RGS7: variants seen among roughly 807,000 people sequenced by gnomAD.
RGS7 encodes the protein regulator of G protein signaling 7.
A neutral mutation model predicts 81.1 loss-of-function variants in RGS7; 27 were observed. That is an observed-to-expected ratio of 0.33 (90% CI 0.25 to 0.46). The LOEUF (loss-of-function observed/expected upper bound fraction) is 0.46, where lower values mean the gene tolerates loss of function less well. Among genes scored for constraint, RGS7 ranks in the 20% least tolerant of loss-of-function variants. The probability of loss-of-function intolerance (pLI) is 1.00; values close to 1 mark genes in which losing one functional copy is unlikely to be tolerated. For synonymous variants in RGS7, 208 were observed against 207.7 expected, an observed-to-expected ratio of 1.00 and a Z score of -0.01; for missense variants, 396 against 607.4, an observed-to-expected ratio of 0.65 and a Z score of 3.66.
At chr1:240,880,014 A>T (rs1049880726) in intron 6 of RGS7, among the ~76,000 whole-genome samples, 1 of 152,154 alleles carries the variant, frequency 6.6e-6, no homozygotes, top group Non-Finnish European at 1.5e-5. Flanking sequence ...CAAATCTCAG[A>T]TGCTCCAAAA....
intron 18 of RGS7, among the ~76,000 whole-genome samples, chr1:240,787,278 G>A (rs1685228219): frequency 6.6e-6 from 1 of 152,082 alleles, no homozygotes; most frequent in Non-Finnish European, 1.5e-5. Context: ...CTAATGGTGT[G>A]TTGCTCTTAC....
chr1:240,778,245 C>A (rs1683315483), intron 18 of RGS7, among the ~76,000 whole-genome samples: 1 of 152,146 alleles, frequency 6.6e-6, no homozygotes, highest in Non-Finnish European at 1.5e-5. Flanking sequence ...ATACCATCAC[C>A]CTTGAGATTA....
chr1:241,134,046 G>A (rs1473972810), intron 2 of RGS7, among the ~76,000 whole-genome samples: 1 of 152,162 alleles, frequency 6.6e-6, no homozygotes, highest in East Asian at 1.9e-4. Context: ...GTCTATCCTG[G>A]ATCTAATAAA....
chr1:240,779,097 CTTTGTG>C (rs781713142), intron 18 of RGS7, among the ~76,000 whole-genome samples: 1 of 100,548 alleles, frequency 9.9e-6, no homozygotes, highest in African/African-American at 4.1e-5. Context: ...GATTAGTGTT[CTTTGTG>C]TGTGTGTGTG....
At chr1:240,811,131 T>G (rs371714355) in intron 14 of RGS7, among the ~76,000 whole-genome samples, 1 of 152,214 alleles carries the variant, frequency 6.6e-6, no homozygotes, top group Admixed American at 6.5e-5. Flanking sequence ...AAATGAATTT[T>G]ACAGGACTGC....
intron 5 of RGS7, among the ~76,000 whole-genome samples, chr1:240,932,922 C>T (rs1453923815): frequency 1.4e-4 from 15 of 106,128 alleles, no homozygotes; most frequent in South Asian, 9.2e-4. Context: ...CTCGCTCTGT[C>T]GCCCAGGCTG....
At chr1:241,267,648 C>A (rs2077664280) in intron 2 of RGS7, among the ~76,000 whole-genome samples, 1 of 152,174 alleles carries the variant, frequency 6.6e-6, no homozygotes, top group South Asian at 2.1e-4. Flanking sequence ...ATTTTCACAT[C>A]TTTTCTCTAC....
At chr1:240,899,386 T>C (rs916670791) in intron 6 of RGS7, among the ~76,000 whole-genome samples, 1 of 152,244 alleles carries the variant, frequency 6.6e-6, no homozygotes, top group South Asian at 2.1e-4. Flanking sequence ...GCATCGATGG[T>C]CTTTACAATT....
chr1:240,920,889 T>G (rs1673413355), intron 6 of RGS7, among the ~76,000 whole-genome samples: 1 of 152,128 alleles, frequency 6.6e-6, no homozygotes, highest in Non-Finnish European at 1.5e-5. Flanking sequence ...TTTTTTTTTT[T>G]CACCCATGCT....
intron 2 of RGS7, among the ~76,000 whole-genome samples, chr1:241,233,221 C>A (rs1169736780): frequency 6.6e-6 from 1 of 152,202 alleles, no homozygotes; most frequent in African/African-American, 2.4e-5. Context: ...TTTATCATTT[C>A]TTTATGCTAG....
intron 18 of RGS7, among the ~76,000 whole-genome samples, chr1:240,789,610 G>C (rs1477054243): frequency 2.0e-5 from 3 of 152,156 alleles, no homozygotes; most frequent in African/African-American, 7.2e-5. Flanking sequence ...CGTAGCTGTG[G>C]GATGAAATAA....
intron 2 of RGS7, among the ~76,000 whole-genome samples, chr1:241,103,609 C>A (rs966230677): frequency 6.6e-6 from 1 of 152,078 alleles, no homozygotes. Flanking sequence ...CGGTGGCTCA[C>A]GCCAGTAATC....
intron 3 of RGS7, among the ~76,000 whole-genome samples, chr1:241,090,177 G>A (rs1342686293): frequency 6.6e-6 from 1 of 152,100 alleles, no homozygotes; most frequent in Non-Finnish European, 1.5e-5. Flanking sequence ...AGGTGCATGT[G>A]GAGACTAGTT....
rs138856538 is a variant in RGS7 at position 241,037,650 on chromosome 1, C to T, written c.176-54521G>A. Among the ~76,000 whole-genome samples, 440 of 149,312 alleles carry T rather than the reference C, an allele frequency of 2.9e-3. 4 individuals are homozygous for T. Among genetic ancestry groups the T allele is most frequent in the African/African-American group, 0.01 (415 of 40,434 alleles). The stretch of plus-strand genomic sequence containing the variant: ...GCAGGAGAATCTCCTGAGCCCAGGA[C>T]GTGGAGGTTGCAGTGAGCCGAGATC... On this transcript the variant is annotated intron_variant, in intron 3 of 18. Coordinates refer to ENST00000440928, the MANE Select transcript of RGS7 (RefSeq NM_001364886.1).
intron 9 of RGS7, among the ~76,000 whole-genome samples, chr1:240,866,510 CAAA>C (rs35934752): frequency 6.5e-5 from 7 of 107,454 alleles, no homozygotes; most frequent in African/African-American, 7.1e-5. Context: ...GACTCCGTCT[CAAA>C]AAAAAAAAAA....
At chr1:241,282,689 T>C (rs1395755297) in intron 2 of RGS7, among the ~76,000 whole-genome samples, 2 of 152,222 alleles carry the variant, frequency 1.3e-5, no homozygotes, top group African/African-American at 4.8e-5. Flanking sequence ...ATAATAATGC[T>C]AGCTGTAGGG....
At chr1:241,008,936 A>C in intron 3 of RGS7, among the ~76,000 whole-genome samples, 1 of 137,546 alleles carries the variant, frequency 7.3e-6, no homozygotes, top group East Asian at 2.2e-4. Flanking sequence ...AAAAAAAAAA[A>C]GAAATGTGAT....
intron 9 of RGS7, among the ~76,000 whole-genome samples, chr1:240,828,193 G>A (rs370629574): frequency 9.9e-5 from 15 of 152,268 alleles, no homozygotes; most frequent in Admixed American, 3.9e-4. Context: ...GCAGCCTGCT[G>A]TTAGCTTCCT....
intron 5 of RGS7, among the ~76,000 whole-genome samples, chr1:240,935,054 A>G (rs1029427637): frequency 7.4e-6 from 1 of 135,484 alleles, no homozygotes; most frequent in Non-Finnish European, 1.6e-5. Context: ...ACACCCAGCT[A>G]ATTTTTTTTG....
Sources: allele counts gnomAD v4.1 joint callset (sites outside exome capture counted in the v4.1 genomes callset), GRCh38; gene constraint gnomAD v4.1.1; transcripts MANE v1.5; gene names NCBI Gene and HGNC (gene_info 2026-07-23, HGNC 2026-07-21).